Variants in MAP2K6 observed in about 807,000 individuals in gnomAD.
MAP2K6 encodes the protein mitogen-activated protein kinase kinase 6.
MAP2K6 carries 16 observed loss-of-function variants against 53.7 expected under a neutral mutation model. The observed-to-expected ratio is 0.30, with a 90% CI of 0.20 to 0.45. The LOEUF is 0.45. Ranked by LOEUF, MAP2K6 falls within the 20% of genes least tolerant of loss-of-function variation. The pLI, the probability that MAP2K6 is intolerant of heterozygous loss-of-function variation, is 1.00. For missense variants in MAP2K6, 204 were observed against 411.9 expected (o/e 0.50, Z 4.37); for synonymous variants, 132 against 143.1 (o/e 0.92, Z 0.55).
At chr17:69,502,054 A>G (rs1344486201) in intron 1 of MAP2K6, 1 of 523,118 alleles carries the variant, frequency 1.9e-6, no homozygotes, top group African/African-American at 2.1e-5. Context: ...TAAGAAATCA[A>G]AGAGGCATTT....
chr17:69,451,967 C>G (rs1426652439), intron 1 of MAP2K6, among the ~76,000 whole-genome samples: 1 of 152,050 alleles, frequency 6.6e-6, no homozygotes, highest in Non-Finnish European at 1.5e-5. Flanking sequence ...GGCAAGGAGG[C>G]TGTTGGGAGT....
chr17:69,501,918 G>GTT (rs11406039), intron 1 of MAP2K6, among the ~76,000 whole-genome samples: 33,638 of 128,878 alleles, frequency 0.26, 4,343 homozygotes, highest in Admixed American at 0.29. Context: ...TCCCTCCCAT[G>GTT]TTTTTTTTTT....
chr17:69,493,325 G>A (rs767836539), intron 1 of MAP2K6, among the ~76,000 whole-genome samples: 1 of 151,984 alleles, frequency 6.6e-6, no homozygotes, highest in Non-Finnish European at 1.5e-5. Context: ...GTGTGTGTGT[G>A]TGTTGCAACA....
chr17:69,437,212 T>A (rs1352272621), intron 1 of MAP2K6, among the ~76,000 whole-genome samples: 1 of 152,236 alleles, frequency 6.6e-6, no homozygotes, highest in Non-Finnish European at 1.5e-5. Context: ...CACAATTGAT[T>A]AACATATATT....
intron 7 of MAP2K6, among the ~76,000 whole-genome samples, chr17:69,523,251 T>C (rs1280947761): frequency 6.6e-6 from 1 of 152,208 alleles, no homozygotes; most frequent in East Asian, 1.9e-4. Flanking sequence ...GTAATGAAGA[T>C]CATAAAATCA....
At chr17:69,502,999 G>T (rs1909248153) in intron 1 of MAP2K6, among the ~76,000 whole-genome samples, 1 of 152,172 alleles carries the variant, frequency 6.6e-6, no homozygotes, top group South Asian at 2.1e-4. Flanking sequence ...TGTAAGAACT[G>T]AGTTAGAGGT....
At chr17:69,437,236 G>A (rs1906675488) in intron 1 of MAP2K6, among the ~76,000 whole-genome samples, 1 of 152,126 alleles carries the variant, frequency 6.6e-6, no homozygotes, top group Non-Finnish European at 1.5e-5. Flanking sequence ...TATGTTATGT[G>A]TATTATATAC....
chr17:69,471,607 C>T (rs1379325531), intron 1 of MAP2K6, among the ~76,000 whole-genome samples: 1 of 152,154 alleles, frequency 6.6e-6, no homozygotes, highest in African/African-American at 2.4e-5. Context: ...GAAGCCCAAA[C>T]CTCATGATTA....
At chr17:69,416,610 A>G (rs1905910148) in intron 1 of MAP2K6, among the ~76,000 whole-genome samples, 1 of 152,162 alleles carries the variant, frequency 6.6e-6, no homozygotes, top group Non-Finnish European at 1.5e-5. Context: ...ATGCATGTAT[A>G]TGTATGTATT....
chr17:69,511,167 T>G (rs1909788468), intron 2 of MAP2K6, among the ~76,000 whole-genome samples: 1 of 152,182 alleles, frequency 6.6e-6, no homozygotes, highest in African/African-American at 2.4e-5. Context: ...TTTTCCCTCG[T>G]ATGGTATTAA....
At chr17:69,535,148 G>A (rs1911291245) in intron 10 of MAP2K6, among the ~76,000 whole-genome samples, 1 of 152,102 alleles carries the variant, frequency 6.6e-6, no homozygotes, top group Non-Finnish European at 1.5e-5. Flanking sequence ...TCAATGGAGA[G>A]CAGAATAACC....
chr17:69,506,963 T>TC (rs1909530050), intron 2 of MAP2K6, among the ~76,000 whole-genome samples: 1 of 150,810 alleles, frequency 6.6e-6, no homozygotes, highest in South Asian at 2.1e-4. Flanking sequence ...CTTTTTTTTT[T>TC]CTTTTTTTTT....
intron 1 of MAP2K6, among the ~76,000 whole-genome samples, chr17:69,454,344 C>T (rs1907329127): frequency 6.6e-6 from 1 of 152,116 alleles, no homozygotes; most frequent in Non-Finnish European, 1.5e-5. Context: ...GAGGGCATAG[C>T]CTTCTAACAT....
chr17:69,438,071 C>T lies in MAP2K6; in HGVS notation c.16+23071C>T, dbSNP rs139752626. 3.2e-3 allele frequency among the ~76,000 whole-genome samples: 489 copies of T among 152,314 alleles called. 2 individuals are homozygous for T. The highest frequency in any genetic ancestry group is 0.011 in the African/African-American group (458 of 41,554). On this transcript the variant is annotated intron_variant, in intron 1 of 11. Coordinates refer to ENST00000590474, the MANE Select transcript of MAP2K6 (RefSeq NM_002758.4). Reference sequence around the variant, plus strand: ...AATAGAAAGTGAGTTGAGAACTCATCCAGGGGAATGTGTGTTGCTCCTGTG... The same window carrying T: ...AATAGAAAGTGAGTTGAGAACTCATTCAGGGGAATGTGTGTTGCTCCTGTG...
chr17:69,455,807 A>G (rs1451939746), intron 1 of MAP2K6, among the ~76,000 whole-genome samples: 1 of 150,242 alleles, frequency 6.7e-6, no homozygotes, highest in Non-Finnish European at 1.5e-5. Flanking sequence ...AGCATGACCA[A>G]CCCTGCAGAT....
chr17:69,435,732 C>T (rs911680660), intron 1 of MAP2K6, among the ~76,000 whole-genome samples: 2 of 151,662 alleles, frequency 1.3e-5, no homozygotes, highest in African/African-American at 2.4e-5. Context: ...AGTGCAGTGG[C>T]GTGATCTCGG....
intron 1 of MAP2K6, among the ~76,000 whole-genome samples, chr17:69,426,362 G>A (rs1207528078): frequency 2.0e-5 from 3 of 152,234 alleles, no homozygotes; most frequent in African/African-American, 7.2e-5. Context: ...AGGTCTTTAT[G>A]AAGATTAAGC....
rs1483126655 is a variant in MAP2K6 at position 69,553,798 on chromosome 17, T to C, written c.*12045T>C. Reference sequence around the variant, plus strand: ...TAAGTATTCAGGAGCAAAGTGTTCTTGAAAGAAAATGGTGTGTTGATCTCA... The same window carrying C: ...TAAGTATTCAGGAGCAAAGTGTTCTCGAAAGAAAATGGTGTGTTGATCTCA... On this transcript the variant is annotated 3_prime_UTR_variant, in exon 12 of 12. Transcript: ENST00000590474. 1 of 152,230 alleles carries C rather than the reference T, an allele frequency of 6.6e-6. No homozygotes were observed. The highest frequency in any genetic ancestry group is 6.5e-5 in the Admixed American group (1 of 15,286). The allele number at this position is 152,230 out of a possible 1,614,324, so 9.4% of individuals were successfully genotyped here. A position where few individuals can be genotyped will look rare whatever the true frequency, so the allele number is the denominator to read the frequency against.
chr17:69,418,258 C>G (rs984413901), intron 1 of MAP2K6, among the ~76,000 whole-genome samples: 1 of 152,156 alleles, frequency 6.6e-6, no homozygotes, highest in East Asian at 1.9e-4. Flanking sequence ...GAGCATGCGG[C>G]CTGTTAACTG....
Sources: gnomAD v4.1 joint callset for allele counts (sites outside exome capture counted in the v4.1 genomes callset) on GRCh38, gnomAD v4.1.1 for gene constraint, MANE v1.5 for transcripts, NCBI Gene and HGNC (gene_info 2026-07-23, HGNC 2026-07-21) for gene names.